DYNC1H1: variants seen among roughly 807,000 people sequenced by gnomAD.
DYNC1H1 encodes the protein dynein cytoplasmic 1 heavy chain 1.
DYNC1H1 carries 51 observed loss-of-function variants against 527.1 expected under a neutral mutation model. That is an observed-to-expected ratio of 0.10 (90% CI 0.08 to 0.12). The LOEUF (loss-of-function observed/expected upper bound fraction) is 0.12. DYNC1H1 is among the 10% of genes least tolerant of loss of function. The probability of loss-of-function intolerance (pLI) is 1.00; values close to 1 mark genes in which losing one functional copy is unlikely to be tolerated. For synonymous variants in DYNC1H1, 2,189 were observed against 2,278.8 expected (o/e 0.96, Z 1.12); for missense variants, 2,771 against 5,971.8 (o/e 0.46, Z 17.66).
At chr14:101,982,082 G>A (rs1255639207) in intron 5 of DYNC1H1, among the ~76,000 whole-genome samples, 1 of 152,172 alleles carries the variant, frequency 6.6e-6, no homozygotes, top group East Asian at 1.9e-4. Flanking sequence ...CTCTGCCCCC[G>A]TCACATGAGT....
rs17512783 is a variant in DYNC1H1 at position 102,039,203 on chromosome 14, G to A, written c.11409G>A (p.Pro3803=). The part of the protein sequence containing the change: ...EVETVSQQYL[P]LSTACSSIYF... ...AGACCGTGTCCCAGCAGTACCTCCC[G>A]CTCTCCACCGCCTGCAGCAGCATCT... is the stretch of plus-strand genomic sequence containing the variant. The change falls in exon 60 of 78, where the codon CCG becomes CCA. Residue 3803 remains proline, a synonymous_variant. Transcript: ENST00000360184. This position sits in a 1 kb window ranked among gnomAD's most constrained non-coding sequence, Gnocchi z 7.0. 7.3e-4 allele frequency: 1,182 copies of A among 1,614,040 alleles called. 15 individuals carry two copies. The African/African-American group carries it at 0.013, about 18-fold the overall frequency.
In DYNC1H1 at chr14:101,979,999, T is replaced by C. The variant is rs148687481; in HGVS notation, c.774+25T>C. ...AGTAAGAGCACAGGATTGAAAGTTA[T>C]GTAAAATATGTTACTCTTTAATATC... On this transcript the variant is annotated intron_variant, in intron 4 of 77. Coordinates refer to ENST00000360184, the MANE Select transcript of DYNC1H1 (RefSeq NM_001376.5). This position sits in a 1 kb window ranked among gnomAD's most constrained non-coding sequence, Gnocchi z 4.6. 8.7e-6 allele frequency: 14 copies of C among 1,614,092 alleles called. No homozygotes were observed. The East Asian group carries it at 1.3e-4, about 15-fold the overall frequency.
At position 102,049,168 on chromosome 14, in the gene DYNC1H1, G is replaced by A. The variant is rs2048769472; in HGVS notation, c.13373-272G>A. The A allele has an allele frequency of 1.9e-6, 1 of 532,846 alleles. No individual in the cohort carries two copies. The highest frequency in any genetic ancestry group is 1.9e-5 in the African/African-American group (1 of 52,464). The allele number at this position is 532,846 out of a possible 1,614,324, so 33.0% of individuals were successfully genotyped here. A position where few individuals can be genotyped will look rare whatever the true frequency, so the allele number is the denominator to read the frequency against. On this transcript the variant is annotated intron_variant, in intron 74 of 77. Transcript: ENST00000360184. The surrounding 1 kb of genome is among the most constrained non-coding windows in gnomAD (Gnocchi z 5.5). ...GAGGTTTTAGCCGCGGTTTTGCTTGGATGTGATTATGGTCCTCCAGAAAGA... is the reference window on the plus strand; with the variant it reads ...GAGGTTTTAGCCGCGGTTTTGCTTGAATGTGATTATGGTCCTCCAGAAAGA...
At position 102,015,078 on chromosome 14, in the gene DYNC1H1, T is replaced by C. The variant is rs895973034; in HGVS notation, c.7015-27T>C. 15 of 1,613,340 alleles carry C rather than the reference T, an allele frequency of 9.3e-6. No homozygotes were observed. Among genetic ancestry groups the C allele is most frequent in the Non-Finnish European group, 1.3e-5 (15 of 1,179,300 alleles). ...CAGGTTTCTTCCAAACCTATGTCAT[T>C]AAATCTGCTTAATGTTTTCTTTCAA... On this transcript the variant is annotated intron_variant, in intron 34 of 77. Coordinates refer to ENST00000360184, the MANE Select transcript of DYNC1H1 (RefSeq NM_001376.5). This position sits in a 1 kb window ranked among gnomAD's most constrained non-coding sequence, Gnocchi z 6.9.
rs537857759 is a variant in DYNC1H1, at chr14:101,964,679, C to G, written c.-13C>G. 4.2e-5 allele frequency: 67 copies of G among 1,582,192 alleles called. No individual in the cohort carries two copies. The African/African-American group carries it at 6.4e-4, about 15-fold the overall frequency. ...CCTTCTCATCGCTCCTGGAAGGTCC[C>G]GAGCGCGACACCATGTCGGAGCCCG... is the stretch of plus-strand genomic sequence containing the variant. On this transcript the variant is annotated 5_prime_UTR_variant, in exon 1 of 78. Coordinates refer to ENST00000360184, the MANE Select transcript of DYNC1H1 (RefSeq NM_001376.5). This position sits in a 1 kb window ranked among gnomAD's most constrained non-coding sequence, Gnocchi z 5.5.
intron 1 of DYNC1H1, among the ~76,000 whole-genome samples, chr14:101,968,184 C>G (rs962606771): frequency 4.6e-5 from 7 of 152,162 alleles, no homozygotes; most frequent in Non-Finnish European, 1.0e-4. Flanking sequence ...CTTGTCTGCT[C>G]TGCAGCTTGT....
chr14:102,006,934 A>T, intron 27 of DYNC1H1, 74 bp from the exon 28 acceptor site: 1 of 1,517,158 alleles, frequency 6.6e-7, no homozygotes, highest in South Asian at 1.1e-5. Flanking sequence ...TGCTTTTTGT[A>T]GTTCTTTTAA....
chr14:101,987,098 T>C (rs562551929), intron 8 of DYNC1H1, among the ~76,000 whole-genome samples: 1 of 152,364 alleles, frequency 6.6e-6, no homozygotes, highest in East Asian at 1.9e-4. Flanking sequence ...ACCCAGAGCC[T>C]GCGGCTGCCA....
chr14:102,032,247 C>G, intron 51 of DYNC1H1, 25 bp from the exon 52 acceptor site: 1 of 1,612,938 alleles, frequency 6.2e-7, no homozygotes, highest in African/African-American at 1.3e-5. Context: ...CCCATCGACC[C>G]TCATCCACTC....
At position 102,010,276 on chromosome 14, in the gene DYNC1H1, A is replaced by G. The variant is rs983877883; in HGVS notation, c.6222A>G (p.Lys2074=). 5 of 1,613,904 alleles carry G rather than the reference A, an allele frequency of 3.1e-6. No homozygotes were observed. The highest frequency in any genetic ancestry group is 4.2e-6 in the Non-Finnish European group (5 of 1,180,010). ...VLANKIVPFF[K]LCDEQLSSQS... ...ATAGCCTTTTTTTCTTCTTTTCTAG[A>G]CTATGCGATGAGCAGCTCTCTTCCC... is the stretch of plus-strand genomic sequence containing the variant. Residue 2074 remains lysine (K), a splice_region_variant and synonymous_variant, in exon 31 of 78, where the codon AAA becomes AAG. Coordinates refer to ENST00000360184, the MANE Select transcript of DYNC1H1 (RefSeq NM_001376.5). This position sits in a 1 kb window ranked among gnomAD's most constrained non-coding sequence, Gnocchi z 6.0.
chr14:102,023,092 A>ATTGGATTTT (rs2048405596), intron 43 of DYNC1H1: 1 of 701,328 alleles, frequency 1.4e-6, no homozygotes, highest in Non-Finnish European at 2.3e-6. Flanking sequence ...GTAAGACTCC[A>ATTGGATTTT]CCTCTACAAA....
At chr14:101,971,209 C>T (rs966878614) in intron 1 of DYNC1H1, among the ~76,000 whole-genome samples, 23 of 150,406 alleles carry the variant, frequency 1.5e-4, no homozygotes, top group Middle Eastern at 3.4e-3. Context: ...GAGATCCTCC[C>T]GCCACAGACA....
Position 102,002,937 on chromosome 14 carries a change from C to T in DYNC1H1, c.4855C>T (p.Leu1619=), listed in dbSNP as rs761039840. 5.0e-6 allele frequency: 8 copies of T among 1,614,170 alleles called. No homozygotes were observed. In the South Asian group the frequency reaches 5.5e-5, roughly 11 times the overall value. Reference sequence around the variant, plus strand: ...GATCCAGAAAGCATTGGGAGAATATCTGGAAAGAGAGCGGTCATCTTTCCC... The same window carrying T: ...GATCCAGAAAGCATTGGGAGAATATTTGGAAAGAGAGCGGTCATCTTTCCC... ...GKIQKALGEY[L]ERERSSFPRF... is the part of the protein sequence containing the mutation. The change falls in exon 23 of 78, where the codon CTG becomes TTG. Residue 1619 remains leucine, a synonymous_variant. Transcript: ENST00000360184. The surrounding 1 kb of genome is among the most constrained non-coding windows in gnomAD (Gnocchi z 4.4).
chr14:102,036,846 C>A lies in DYNC1H1; in HGVS notation c.10908+204C>A. 1 of 613,358 alleles carries A rather than the reference C, an allele frequency of 1.6e-6. No individual in the cohort carries two copies. Among genetic ancestry groups the A allele is most frequent in the Non-Finnish European group, 2.7e-6 (1 of 364,406 alleles). 38.0% of individuals were successfully genotyped at this position (613,358 alleles called of 1,614,324 possible). On this transcript the variant is annotated intron_variant, in intron 57 of 77. Transcript: ENST00000360184. This position sits in a 1 kb window ranked among gnomAD's most constrained non-coding sequence, Gnocchi z 5.6. ...AGTGGTCGGGCGAGGTGGCTCACAC[C>A]TGTAATCTCAGCACTTTGGGAGGCC...
At chr14:102,028,376 A>G (rs1649210725) in intron 48 of DYNC1H1, 1 of 450,638 alleles carries the variant, frequency 2.2e-6, no homozygotes, top group African/African-American at 2.0e-5. Context: ...TTAGCCGGGC[A>G]TGGTGGTGGG....
At position 102,050,870 on chromosome 14, in the gene DYNC1H1, C is replaced by G. The variant is rs1424451949; in HGVS notation, c.*307C>G. ...CTTCCATGCTGCCCAGGGAGGGCAG[C>G]CCACGGCAGCCATGCCCCTCCCCAC... On this transcript the variant is annotated 3_prime_UTR_variant, in exon 78 of 78. Coordinates refer to ENST00000360184, the MANE Select transcript of DYNC1H1 (RefSeq NM_001376.5). The G allele has an allele frequency of 7.6e-6, 3 of 396,422 alleles. No individual in the cohort carries two copies. The highest frequency in any genetic ancestry group is 1.4e-5 in the Non-Finnish European group (3 of 209,996). 24.6% of individuals were successfully genotyped at this position (396,422 alleles called of 1,614,324 possible).
In DYNC1H1 at chr14:102,044,174, T is replaced by C; in HGVS notation, c.12685-100T>C. The C allele has an allele frequency of 6.3e-7, 1 of 1,585,392 alleles. No homozygotes were observed. Among genetic ancestry groups the C allele is most frequent in the East Asian group, 2.3e-5 (1 of 44,130 alleles). On this transcript the variant is annotated intron_variant, in intron 70 of 77. Transcript: ENST00000360184. The surrounding 1 kb of genome is among the most constrained non-coding windows in gnomAD (Gnocchi z 7.1). ...CCCCTCGTGACCGCCAAAGCCTAGC[T>C]GGCCATGGGGAGTGAGGAGGAAAGC...
At chr14:101,980,095 T>G in intron 4 of DYNC1H1, 121 bp downstream of exon 4, 1 of 1,472,250 alleles carries the variant, frequency 6.8e-7, no homozygotes, top group South Asian at 1.2e-5. Context: ...TGCCGCCTCT[T>G]GGTCCTGGGA....
At position 102,016,679 on chromosome 14, in the gene DYNC1H1, A is replaced by C. The variant is rs2048326795; in HGVS notation, c.7615-87A>C. 6.4e-7 allele frequency: 1 copy of C among 1,551,872 alleles called. No homozygotes were observed. The highest frequency in any genetic ancestry group is 8.8e-7 in the Non-Finnish European group (1 of 1,139,898). ...CCTGACCAATTACTTCCTTGTTCTG[A>C]AAGTTCAAGTTTGTGTTCAGGTAAA... On this transcript the variant is annotated intron_variant, in intron 37 of 77. Coordinates refer to ENST00000360184, the MANE Select transcript of DYNC1H1 (RefSeq NM_001376.5). The surrounding 1 kb of genome is among the most constrained non-coding windows in gnomAD (Gnocchi z 7.3).
Sources: allele counts gnomAD v4.1 joint callset (sites outside exome capture counted in the v4.1 genomes callset), GRCh38; gene constraint gnomAD v4.1.1; non-coding constraint Gnocchi (gnomAD v3.1); transcripts MANE v1.5; gene names NCBI Gene and HGNC (gene_info 2026-07-23, HGNC 2026-07-21).